PHC3: variants seen among roughly 807,000 people sequenced by gnomAD.
The protein encoded by PHC3 is polyhomeotic homolog 3, also known as polyhomeotic-like protein 3.
In PHC3, 13 loss-of-function variants were observed where a neutral mutation model predicts 107.4. The observed-to-expected ratio is 0.12, with a 90% CI of 0.08 to 0.19. The LOEUF is 0.19. Ranked by LOEUF, PHC3 falls within the 10% of genes least tolerant of loss-of-function variation. The pLI is 1.00. For synonymous variants in PHC3, 456 were observed against 427.4 expected (o/e 1.07, Z -0.83); for missense variants, 992 against 1,210.9 (o/e 0.82, Z 2.68).
intron 4 of PHC3, among the ~76,000 whole-genome samples, chr3:170,151,076 T>C (rs1263405876): frequency 1.3e-5 from 2 of 151,996 alleles, no homozygotes; most frequent in African/African-American, 4.8e-5. Context: ...CCAGGTGTGA[T>C]GGCACGCGCC....
intron 8 of PHC3, chr3:170,125,882 A>G: frequency 5.3e-6 from 3 of 562,266 alleles, no homozygotes; most frequent in Non-Finnish European, 6.8e-6. Flanking sequence ...TCACAAGATC[A>G]TTAGGAAACT....
At position 170,115,877 on chromosome 3, in the gene PHC3, T is replaced by TCACACA. The variant is rs148039100; in HGVS notation, c.2193+1343_2193+1348dup. 7.8e-3 allele frequency among the ~76,000 whole-genome samples: 1,159 copies of TCACACA among 148,478 alleles called. 8 individuals are homozygous for TCACACA. Among genetic ancestry groups the TCACACA allele is most frequent in the African/African-American group, 0.018 (730 of 40,364 alleles). ...AATTGTTATAGGAAATCCAAGTTTC[T>TCACACA]CACACACACACACACACACACACAC... On this transcript the variant is annotated intron_variant, in intron 10 of 14. Coordinates refer to ENST00000495893, the MANE Select transcript of PHC3 (RefSeq NM_024947.4).
At chr3:170,126,529 T>TATATATATCTATA (rs1491097010) in intron 8 of PHC3, among the ~76,000 whole-genome samples, 54 of 39,964 alleles carry the variant, frequency 1.4e-3, no homozygotes, top group African/African-American at 4.1e-3. Context: ...TATATATATA[T>TATATATATCTATA]TTTTTTTTTT....
intron 2 of PHC3, among the ~76,000 whole-genome samples, chr3:170,173,206 A>G (rs570818265): frequency 2.7e-4 from 41 of 152,016 alleles, no homozygotes; most frequent in South Asian, 1.0e-3. Flanking sequence ...AAAAAAAAAA[A>G]CAAAACAAAA....
chr3:170,158,137 G>A (rs1474572435), intron 4 of PHC3, among the ~76,000 whole-genome samples: 1 of 151,770 alleles, frequency 6.6e-6, no homozygotes, highest in African/African-American at 2.4e-5. Context: ...CTAGACTATT[G>A]GAAATTCCAT....
intron 4 of PHC3, among the ~76,000 whole-genome samples, chr3:170,158,916 G>A (rs1311119147): frequency 3.5e-5 from 5 of 141,298 alleles, no homozygotes; most frequent in African/African-American, 1.1e-4. Flanking sequence ...AACAAAGTGA[G>A]AACCTGTCTT....
chr3:170,118,278 A>G (rs1209144932), intron 9 of PHC3, among the ~76,000 whole-genome samples: 1 of 152,170 alleles, frequency 6.6e-6, no homozygotes, highest in Non-Finnish European at 1.5e-5. Context: ...GAGACCAGGT[A>G]CATGTCGCCC....
chr3:170,093,761 T>C lies in PHC3; in HGVS notation c.*3469A>G, dbSNP rs1291173956. 12 of 152,228 alleles carry C rather than the reference T, an allele frequency of 7.9e-5. 1 individual carries two copies. The East Asian group carries it at 2.3e-3, about 29-fold the overall frequency. 9.4% of individuals were successfully genotyped at this position (152,228 alleles called of 1,614,324 possible). On this transcript the variant is annotated 3_prime_UTR_variant, in exon 15 of 15. Coordinates refer to ENST00000495893, the MANE Select transcript of PHC3 (RefSeq NM_024947.4). Reference sequence around the variant, plus strand: ...GAATAGATGTCTCATTATAATTTTATACTTGATACATGAAGATAAGCTACG... The same window carrying C: ...GAATAGATGTCTCATTATAATTTTACACTTGATACATGAAGATAAGCTACG...
Position 170,128,889 on chromosome 3 carries a change from AGTG to A in PHC3, c.1580_1582del (p.Pro527del). The A allele has an allele frequency of 6.2e-7, 1 of 1,614,048 alleles. No homozygotes were observed. The stretch of plus-strand genomic sequence containing the variant: ...TAAAGACTGCATAGACTGCAAGGGC[AGTG>A]GTGGAATCTGAGCTGGAGGAGATGT... On this transcript the variant is annotated inframe_deletion, in exon 8 of 15. Coordinates refer to ENST00000495893, the MANE Select transcript of PHC3 (RefSeq NM_024947.4).
At chr3:170,150,090 T>C (rs1040116951) in intron 4 of PHC3, 1 of 152,344 alleles carries the variant, frequency 6.6e-6, no homozygotes, top group South Asian at 2.1e-4. Context: ...TAAATATGTA[T>C]AGTTATTATG....
chr3:170,123,356 T>TACACACACACACACACACAC (rs3980601), intron 8 of PHC3, among the ~76,000 whole-genome samples: 3,852 of 149,868 alleles, frequency 0.026, 107 homozygotes, highest in African/African-American at 0.063. Flanking sequence ...TTGAAATGCA[T>TACACACACACACACACACAC]ACACACACAC....
chr3:170,174,760 A>G (rs950216012), intron 2 of PHC3, among the ~76,000 whole-genome samples: 12 of 152,214 alleles, frequency 7.9e-5, no homozygotes, highest in Admixed American at 3.3e-4. Context: ...ACTATGCCTG[A>G]TACAAATTTC....
At chr3:170,178,272 T>C (rs1200195432) in intron 2 of PHC3, among the ~76,000 whole-genome samples, 1 of 151,052 alleles carries the variant, frequency 6.6e-6, no homozygotes, top group African/African-American at 2.4e-5. Flanking sequence ...GCCTCCCGAG[T>C]AGCTGGGACT....
intron 11 of PHC3, among the ~76,000 whole-genome samples, chr3:170,108,894 A>AT (rs1717088305): frequency 1.3e-5 from 2 of 152,206 alleles, no homozygotes; most frequent in Non-Finnish European, 2.9e-5. Flanking sequence ...TTAAGTCAGA[A>AT]TACCTTATGA....
chr3:170,179,892 T>C (rs1413787138), intron 1 of PHC3, among the ~76,000 whole-genome samples: 2 of 152,196 alleles, frequency 1.3e-5, no homozygotes, highest in African/African-American at 4.8e-5. Flanking sequence ...CAAGAGATTA[T>C]ACTGGTTTTA....
In PHC3 at chr3:170,096,117, AGAAT is replaced by A. The variant is rs1714610705; in HGVS notation, c.*1109_*1112del. On this transcript the variant is annotated 3_prime_UTR_variant, in exon 15 of 15. Transcript: ENST00000495893. ...GAGCACAGAGGTATGAAAGATAATC[AGAAT>A]GAATTAGTACTTTCTGAGAGTTAAA... 1.3e-5 allele frequency: 2 copies of A among 152,338 alleles called. No homozygotes were observed. Among genetic ancestry groups the A allele is most frequent in the South Asian group, 4.1e-4 (2 of 4,830 alleles). The allele number at this position is 152,338 out of a possible 1,614,324, so 9.4% of individuals were successfully genotyped here. A position where few individuals can be genotyped will look rare whatever the true frequency, so the allele number is the denominator to read the frequency against.
rs781746807 is a variant in PHC3, at chr3:170,122,715, T to C, written c.1818A>G (p.Glu606=). 3.1e-6 allele frequency: 5 copies of C among 1,613,986 alleles called. No individual in the cohort carries two copies. In the South Asian group the frequency reaches 4.4e-5, roughly 14 times the overall value. The change falls in exon 9 of 15, where the codon GAA becomes GAG. Residue 606 remains glutamate, a synonymous_variant. Coordinates refer to ENST00000495893, the MANE Select transcript of PHC3 (RefSeq NM_024947.4). ...VVYQVEDVCE[E]EMPEESDECV... ...ATTCATCTGACTCTTCTGGCATTTC[T>C]TCTTCACACACATCTTCTACCTGAT...
chr3:170,159,829 T>C (rs1237080562), intron 4 of PHC3, among the ~76,000 whole-genome samples: 1 of 152,208 alleles, frequency 6.6e-6, no homozygotes. Flanking sequence ...ACAACAGCCT[T>C]TTCTTCAGCA....
chr3:170,114,710 T>C (rs1007028007), intron 10 of PHC3, among the ~76,000 whole-genome samples: 1 of 152,232 alleles, frequency 6.6e-6, no homozygotes. Flanking sequence ...ATCAAATATA[T>C]TCATTGATTC....
Sources: allele counts gnomAD v4.1 joint callset (sites outside exome capture counted in the v4.1 genomes callset), GRCh38; gene constraint gnomAD v4.1.1; transcripts MANE v1.5; gene names NCBI Gene and HGNC (gene_info 2026-07-23, HGNC 2026-07-21).